CDCA5: variants seen among roughly 807,000 people sequenced by gnomAD.
The protein encoded by CDCA5 is sororin.
In CDCA5, 14 loss-of-function variants were observed where a neutral mutation model predicts 25.7. That is an observed-to-expected ratio of 0.54 (90% confidence interval 0.36 to 0.85). CDCA5 has a LOEUF of 0.85. Ranked by LOEUF, CDCA5 falls within the 40% of genes least tolerant of loss-of-function variation. The pLI is 0.01. For synonymous variants in CDCA5, 127 were observed against 128.7 expected (o/e 0.99, Z 0.09); for missense variants, 307 against 324.5 (o/e 0.95, Z 0.41).
rs1024404040 is a variant in CDCA5 at position 65,078,874 on chromosome 11, C to A, written c.*233G>T. On this transcript the variant is annotated 3_prime_UTR_variant, in exon 6 of 6. Transcript: ENST00000275517. ...CTTTGGGGAGATAGGAAGGACAGGACGACAAGAGACAGGACACCAGTGAGT... is the reference window on the plus strand; with the variant it reads ...CTTTGGGGAGATAGGAAGGACAGGAAGACAAGAGACAGGACACCAGTGAGT... 9.7e-6 allele frequency: 12 copies of A among 1,233,052 alleles called. No homozygotes were observed. The African/African-American group carries it at 1.9e-4, about 19-fold the overall frequency. 76.4% of individuals were successfully genotyped at this position (1,233,052 alleles called of 1,614,324 possible).
chr11:65,077,410 ACCTTCGGCTCTG>A (rs1224837986), downstream of CDCA5: 3 of 975,304 alleles, frequency 3.1e-6, no homozygotes, highest in Non-Finnish European at 3.7e-6. Context: ...GCCTGGCCTT[ACCTTCGGCTCTG>A]CCTTTGACTC....
In CDCA5 at chr11:65,079,111, T is replaced by G. The variant is rs759837525; in HGVS notation, c.755A>C (p.Glu252Ala). ...EAAEQFDLLV[E>A] ...AGGTGCACCCCCCACTGCATCTCAT[T>G]CAACCAGGAGATCAAACTGCTCAGC... The change falls in exon 6 of 6, where the codon GAA (glutamate) becomes GCA (alanine). Residue 252 changes from glutamate to alanine, a missense_variant. Coordinates refer to ENST00000275517, the MANE Select transcript of CDCA5 (RefSeq NM_080668.4). The G allele has an allele frequency of 6.6e-7, 1 of 1,517,682 alleles. No homozygotes were observed. The highest frequency in any genetic ancestry group is 2.3e-5 in the Admixed American group (1 of 44,234). 94.0% of individuals were successfully genotyped at this position (1,517,682 alleles called of 1,614,324 possible). A position where few individuals can be genotyped will look rare whatever the true frequency, so the allele number is the denominator to read the frequency against.
Position 65,077,520 on chromosome 11 carries a change from A to G in CDCA5, c.*1587T>C. The G allele has an allele frequency of 3.0e-6, 3 of 985,292 alleles. No individual in the cohort carries two copies. In the South Asian group the frequency reaches 1.4e-4, roughly 46 times the overall value. 61.0% of individuals were successfully genotyped at this position (985,292 alleles called of 1,614,324 possible). On this transcript the variant is annotated 3_prime_UTR_variant, in exon 6 of 6. Transcript: ENST00000275517. ...TAAAACAAAATCCCATTTTTTCCTT[A>G]AATTTAGTTCCTCAGGAACAGAGAA...
downstream of CDCA5, among the ~76,000 whole-genome samples, chr11:65,062,546 C>A (rs1340015739): frequency 6.6e-6 from 1 of 152,162 alleles, no homozygotes; most frequent in Non-Finnish European, 1.5e-5. Context: ...ACCCTGCTCC[C>A]CAGCTGTCCA....
chr11:65,066,813 C>G (rs1186059372), exon 5 of CDCA5: 1 of 1,289,224 alleles, frequency 7.8e-7, no homozygotes, highest in African/African-American at 1.5e-5. Flanking sequence ...AGGGTCTTAC[C>G]AGGTTCTGCA....
At chr11:65,064,972 G>A, downstream of CDCA5, among the ~76,000 whole-genome samples, 1 of 152,186 alleles carries the variant, frequency 6.6e-6, no homozygotes, top group Non-Finnish European at 1.5e-5. Flanking sequence ...CAGTTACTTT[G>A]CCCAGGCCTG....
At chr11:65,067,437 G>A (rs1027523734) in intron 4 of CDCA5, among the ~76,000 whole-genome samples, 7 of 152,178 alleles carry the variant, frequency 4.6e-5, no homozygotes, top group Admixed American at 1.3e-4. Flanking sequence ...AGGGGCGAGC[G>A]GCCATGGGAT....
At position 65,079,759 on chromosome 11, in the gene CDCA5, T is replaced by A; in HGVS notation, c.272A>T (p.Glu91Val). ...CTTAGTAAGCTCCCTGCCAGGGGGC[T>A]CGTTTTCTTTCTCCAAGAAAAAGGA... ...RISFFLEKEN[E>V]PPGRELTKED... Residue 91 changes from glutamate (E) to valine (V), a missense_variant, in exon 5 of 6, where the codon GAG becomes GTG. Physicochemically the swap from Glu to Val is moderately radical, Grantham distance 121 (BLOSUM62 -2). Transcript: ENST00000275517. The A allele has an allele frequency of 6.8e-7, 1 of 1,481,434 alleles. No individual in the cohort carries two copies. The highest frequency in any genetic ancestry group is 1.9e-4 in the Middle Eastern group (1 of 5,228). The allele number at this position is 1,481,434 out of a possible 1,614,324, so 91.8% of individuals were successfully genotyped here.
At chr11:65,065,731 A>G (rs1947226703), downstream of CDCA5, among the ~76,000 whole-genome samples, 1 of 151,876 alleles carries the variant, frequency 6.6e-6, no homozygotes, top group Admixed American at 6.6e-5. Flanking sequence ...TTGCAACCCC[A>G]TTGGTGGAGG....
chr11:65,062,607 C>T (rs780792211), downstream of CDCA5, among the ~76,000 whole-genome samples: 19 of 152,120 alleles, frequency 1.2e-4, no homozygotes, highest in Non-Finnish European at 2.6e-4. Context: ...TGTCACTTCT[C>T]AATGAGCTCT....
chr11:65,077,244 G>A (rs1282470311), downstream of CDCA5, among the ~76,000 whole-genome samples: 1 of 151,996 alleles, frequency 6.6e-6, no homozygotes, highest in African/African-American at 2.4e-5. Context: ...CTGAGATCAC[G>A]CCACTGGACT....
chr11:65,066,888 G>GA (rs1477189546), intron 4 of CDCA5: 1 of 1,289,106 alleles, frequency 7.8e-7, no homozygotes, highest in African/African-American at 1.5e-5. Flanking sequence ...GCCTAGGGTT[G>GA]AAAAACAGAC....
chr11:65,069,434 T>A (rs1306670927), intron 1 of CDCA5, among the ~76,000 whole-genome samples: 1 of 152,012 alleles, frequency 6.6e-6, no homozygotes, highest in Non-Finnish European at 1.5e-5. Flanking sequence ...TGTGTTATAT[T>A]GTACCTTTCT....
chr11:65,072,003 T>C (rs1947351941), intron 1 of CDCA5, among the ~76,000 whole-genome samples: 1 of 152,192 alleles, frequency 6.6e-6, no homozygotes, highest in African/African-American at 2.4e-5. Flanking sequence ...TTGAAGGCCC[T>C]TCCCTGAATG....
chr11:65,062,828 G>C (rs562760137), downstream of CDCA5, among the ~76,000 whole-genome samples: 1 of 152,104 alleles, frequency 6.6e-6, no homozygotes, highest in Non-Finnish European at 1.5e-5. Context: ...CTCTTCCTCT[G>C]TGGCTTCATT....
In CDCA5 at chr11:65,083,408, G is replaced by C. The variant is rs1026409841; in HGVS notation, c.208-9C>G. On this transcript the variant is annotated splice_polypyrimidine_tract_variant and intron_variant, in intron 3 of 5. Transcript: ENST00000275517. ...GATTGGACAGCTGGGACCTGCGGGGGACAATACCAATTGATCACATAGCTG... is the reference window on the plus strand; with the variant it reads ...GATTGGACAGCTGGGACCTGCGGGGCACAATACCAATTGATCACATAGCTG... The C allele has an allele frequency of 1.2e-6, 2 of 1,614,010 alleles. No individual in the cohort carries two copies. The highest frequency in any genetic ancestry group is 2.7e-5 in the African/African-American group (2 of 74,910).
chr11:65,079,347 A>G lies in CDCA5; in HGVS notation c.678+6T>C. On this transcript the variant is annotated splice_donor_region_variant and intron_variant, in intron 5 of 5. Coordinates refer to ENST00000275517, the MANE Select transcript of CDCA5 (RefSeq NM_080668.4). Reference sequence around the variant, plus strand: ...CGGCAGAGAAAAACCCCTGCCTCTCACTCACCAAGATCTCTGGCATTTTCT... The same window carrying G: ...CGGCAGAGAAAAACCCCTGCCTCTCGCTCACCAAGATCTCTGGCATTTTCT... 1 of 1,613,404 alleles carries G rather than the reference A, an allele frequency of 6.2e-7. No individual in the cohort carries two copies. Among genetic ancestry groups the G allele is most frequent in the South Asian group, 1.1e-5 (1 of 91,026 alleles).
At chr11:65,067,606 G>A (rs183747449) in intron 4 of CDCA5, 65 of 1,183,496 alleles carry the variant, frequency 5.5e-5, no homozygotes, top group South Asian at 7.7e-5. Flanking sequence ...GGCCTTGGTC[G>A]GGGGAAGCCC....
intron 4 of CDCA5, among the ~76,000 whole-genome samples, chr11:65,083,051 C>T (rs1309336974): frequency 6.6e-6 from 1 of 152,154 alleles, no homozygotes; most frequent in African/African-American, 2.4e-5. Context: ...ATACACATGA[C>T]TTATCTCAGA....
Sources: allele counts gnomAD v4.1 joint callset (sites outside exome capture counted in the v4.1 genomes callset), GRCh38; gene constraint gnomAD v4.1.1; transcripts MANE v1.5; gene names NCBI Gene and HGNC (gene_info 2026-07-23, HGNC 2026-07-21).